The following HIVEP2 variants were observed in gnomAD, a reference collection of about 807,000 sequenced individuals.
HIVEP2 encodes transcription factor HIVEP2.
A neutral mutation model predicts 180.7 loss-of-function variants in HIVEP2; 14 were observed. The observed-to-expected ratio is 0.08, with a 90% confidence interval of 0.05 to 0.12. HIVEP2 has a LOEUF of 0.12. HIVEP2 is among the 10% of genes least tolerant of loss of function. The pLI is 1.00. For missense variants in HIVEP2, 2,579 were observed against 3,008.5 expected, an observed-to-expected ratio of 0.86 and a Z score of 3.34; for synonymous variants, 1,184 against 1,136.4, an observed-to-expected ratio of 1.04 and a Z score of -0.84.
chr6:142,837,548 T>C (rs1173144355), intron 1 of HIVEP2, among the ~76,000 whole-genome samples: 1 of 152,090 alleles, frequency 6.6e-6, no homozygotes. Flanking sequence ...CAAGAAGTCT[T>C]GGAGATAATT....
At chr6:142,885,238 C>A (rs1176467626) in intron 1 of HIVEP2, among the ~76,000 whole-genome samples, 2 of 152,128 alleles carry the variant, frequency 1.3e-5, no homozygotes, top group Admixed American at 1.3e-4. Flanking sequence ...GCACCTTTCC[C>A]CACACACAGC....
chr6:142,812,092 C>T (rs1266214005), intron 2 of HIVEP2, among the ~76,000 whole-genome samples: 3 of 152,102 alleles, frequency 2.0e-5, no homozygotes, highest in Admixed American at 1.3e-4. Flanking sequence ...ATCAGCAGTC[C>T]CCGAGTGGAG....
intron 2 of HIVEP2, among the ~76,000 whole-genome samples, chr6:142,789,647 T>C (rs1229063293): frequency 6.6e-6 from 1 of 152,216 alleles, no homozygotes; most frequent in Non-Finnish European, 1.5e-5. Flanking sequence ...ATAGTTCTGG[T>C]CTACAGCTTA....
rs748460758 is a variant in HIVEP2, at chr6:142,760,219, A to G, written c.6069T>C (p.Asp2023=). The part of the protein sequence containing the change: ...KDRLDIPSCM[D]EECMLPSEPS... ...GCTCTGAAGGTAGCATGCACTCCTC[A>G]TCCATACAACTAGGTATGTCCAATC... Residue 2023 remains aspartate (D), a synonymous_variant, in exon 9 of 10, where the codon GAT becomes GAC. Transcript: ENST00000367603. 1.2e-6 allele frequency: 2 copies of G among 1,614,156 alleles called. No individual in the cohort carries two copies. The highest frequency in any genetic ancestry group is 1.1e-5 in the South Asian group (1 of 91,078).
At chr6:142,878,903 G>A (rs566658676) in intron 1 of HIVEP2, among the ~76,000 whole-genome samples, 1 of 152,290 alleles carries the variant, frequency 6.6e-6, no homozygotes, top group Admixed American at 6.5e-5. Context: ...AAGGACCTTG[G>A]ACTTGAACTC....
chr6:142,885,478 T>C (rs1776673347), intron 1 of HIVEP2, among the ~76,000 whole-genome samples: 1 of 152,044 alleles, frequency 6.6e-6, no homozygotes. Context: ...TTCGCTGAGG[T>C]CACAGATAAA....
chr6:142,897,322 C>A (rs117796568), intron 1 of HIVEP2, among the ~76,000 whole-genome samples: 3 of 152,272 alleles, frequency 2.0e-5, no homozygotes, highest in Non-Finnish European at 4.4e-5. Context: ...TAAAAAGGCA[C>A]GCGGTAATAA....
intron 2 of HIVEP2, among the ~76,000 whole-genome samples, chr6:142,808,879 T>C (rs1363911567): frequency 6.6e-6 from 1 of 152,100 alleles, no homozygotes; most frequent in Non-Finnish European, 1.5e-5. Flanking sequence ...CATTCTCCTG[T>C]CAGTATGCCA....
intron 2 of HIVEP2, among the ~76,000 whole-genome samples, chr6:142,796,853 C>T (rs1220834684): frequency 1.3e-5 from 2 of 152,148 alleles, no homozygotes; most frequent in African/African-American, 2.4e-5. Flanking sequence ...CATCACATGG[C>T]GTTTTAAGTG....
chr6:142,781,248 A>G (rs1775852834), intron 3 of HIVEP2, among the ~76,000 whole-genome samples: 1 of 152,184 alleles, frequency 6.6e-6, no homozygotes, highest in African/African-American at 2.4e-5. Flanking sequence ...ATCAATTGAT[A>G]TATCAAAAAA....
chr6:142,906,465 C>A (rs1005053304), intron 1 of HIVEP2, among the ~76,000 whole-genome samples: 2 of 144,972 alleles, frequency 1.4e-5, no homozygotes, highest in East Asian at 1.9e-4. Context: ...AATAAAGAAA[C>A]CTCTTTAATT....
chr6:142,896,449 T>C (rs1776995858), intron 1 of HIVEP2, among the ~76,000 whole-genome samples: 1 of 152,148 alleles, frequency 6.6e-6, no homozygotes, highest in African/African-American at 2.4e-5. Context: ...CTATGTAATC[T>C]AGAGGGGCTG....
At chr6:142,927,141 C>G (rs1285231590) in intron 1 of HIVEP2, among the ~76,000 whole-genome samples, 2 of 152,026 alleles carry the variant, frequency 1.3e-5, no homozygotes, top group Non-Finnish European at 2.9e-5. Flanking sequence ...TGCTCTTCCT[C>G]CCGGAGGAAA....
At chr6:142,840,737 T>C (rs1358350820) in intron 1 of HIVEP2, among the ~76,000 whole-genome samples, 6 of 152,120 alleles carry the variant, frequency 3.9e-5, no homozygotes, top group African/African-American at 1.4e-4. Context: ...CCAATACTGT[T>C]TTTTCTTAGA....
At chr6:142,811,188 T>A (rs1776688163) in intron 2 of HIVEP2, among the ~76,000 whole-genome samples, 1 of 148,660 alleles carries the variant, frequency 6.7e-6, no homozygotes, top group Admixed American at 6.7e-5. Context: ...CGTGCATGTG[T>A]GTGTGTGTGT....
At chr6:142,881,001 C>T (rs1776563681) in intron 1 of HIVEP2, among the ~76,000 whole-genome samples, 1 of 152,026 alleles carries the variant, frequency 6.6e-6, no homozygotes, top group South Asian at 2.1e-4. Flanking sequence ...TTTTTTTCCC[C>T]ATACTAGACT....
In HIVEP2 at chr6:142,751,624, T is replaced by C. The variant is rs964595715; in HGVS notation, c.*1483A>G. ...GCACACATGTGCGTGCCTGTGCACA[T>C]GTTGCTGCACCCCTCCCTCTCTTTC... On this transcript the variant is annotated 3_prime_UTR_variant, in exon 10 of 10. Transcript: ENST00000367603. The C allele has an allele frequency of 6.5e-6, 1 of 152,676 alleles. No homozygotes were observed. The highest frequency in any genetic ancestry group is 1.5e-5 in the Non-Finnish European group (1 of 68,064). 9.5% of individuals were successfully genotyped at this position (152,676 alleles called of 1,614,324 possible). A position where few individuals can be genotyped will look rare whatever the true frequency, so the allele number is the denominator to read the frequency against.
intron 1 of HIVEP2, among the ~76,000 whole-genome samples, chr6:142,940,487 A>G (rs1046501241): frequency 6.6e-6 from 1 of 152,184 alleles, no homozygotes; most frequent in East Asian, 1.9e-4. Context: ...AACCTGTAAC[A>G]TGATCATTTG....
At chr6:142,790,555 T>C (rs990075781) in intron 2 of HIVEP2, among the ~76,000 whole-genome samples, 1 of 152,198 alleles carries the variant, frequency 6.6e-6, no homozygotes, top group African/African-American at 2.4e-5. Context: ...ATGTACTGTT[T>C]TCTCAAGTTT....
Sources: gnomAD v4.1 joint callset for allele counts (sites outside exome capture counted in the v4.1 genomes callset) on GRCh38, gnomAD v4.1.1 for gene constraint, MANE v1.5 for transcripts, NCBI Gene and HGNC (gene_info 2026-07-23, HGNC 2026-07-21) for gene names.